GRIN2A: variants seen among roughly 807,000 people sequenced by gnomAD.
GRIN2A encodes glutamate ionotropic receptor NMDA type subunit 2A.
A neutral mutation model predicts 113.4 loss-of-function variants in GRIN2A; 22 were observed. That is an observed-to-expected ratio of 0.19 (90% CI 0.14 to 0.28). The LOEUF is 0.28. Ranked by LOEUF, GRIN2A falls within the 10% of genes least tolerant of loss-of-function variation. The pLI is 1.00. For missense variants in GRIN2A, 1,502 were observed against 1,887.0 expected (o/e 0.80, Z 3.78); for synonymous variants, 827 against 738.4 (o/e 1.12, Z -1.94).
At chr16:9,856,670 C>T (rs956154443) in intron 4 of GRIN2A, among the ~76,000 whole-genome samples, 3 of 150,580 alleles carry the variant, frequency 2.0e-5, no homozygotes, top group Non-Finnish European at 4.4e-5. Flanking sequence ...AAAAATAAGT[C>T]TTTCCGTTTC....
chr16:10,125,127 G>A (rs919867938), intron 2 of GRIN2A, among the ~76,000 whole-genome samples: 2 of 152,180 alleles, frequency 1.3e-5, no homozygotes, highest in South Asian at 2.1e-4. Flanking sequence ...CCATGAAAGG[G>A]TTTTAAATCT....
intron 2 of GRIN2A, among the ~76,000 whole-genome samples, chr16:9,947,472 T>C (rs1197310819): frequency 6.6e-6 from 1 of 152,268 alleles, no homozygotes; most frequent in Non-Finnish European, 1.5e-5. Flanking sequence ...GAAGCAGCTT[T>C]ATTTCTGCAA....
At chr16:9,862,370 A>T (rs779100529) in intron 4 of GRIN2A, among the ~76,000 whole-genome samples, 19 of 152,176 alleles carry the variant, frequency 1.2e-4, no homozygotes, top group Non-Finnish European at 2.6e-4. Context: ...TAGTATCTTT[A>T]TGGATAACAG....
At chr16:9,869,356 C>T (rs1399630632) in intron 4 of GRIN2A, among the ~76,000 whole-genome samples, 1 of 152,100 alleles carries the variant, frequency 6.6e-6, no homozygotes, top group Admixed American at 6.5e-5. Flanking sequence ...TCACTTTAAC[C>T]CGAGAGGAAG....
chr16:9,970,758 G>C (rs755078359), intron 2 of GRIN2A: 15 of 968,626 alleles, frequency 1.5e-5, no homozygotes, highest in Non-Finnish European at 1.7e-5. Context: ...GAAAATTACA[G>C]GCTGGTAAAC....
Position 9,755,667 on chromosome 16 carries a change from G to A in GRIN2A, c.*7482C>T, listed in dbSNP as rs1900321179. ...AAATGTGGCTTAGACCATGGAGAGG[G>A]GGGAATGCAGGAAAGGCAGTGTGTG... On this transcript the variant is annotated 3_prime_UTR_variant, in exon 13 of 13. Coordinates refer to ENST00000330684, the MANE Select transcript of GRIN2A (RefSeq NM_001134407.3). 1 of 199,698 alleles carries A rather than the reference G, an allele frequency of 5.0e-6. No homozygotes were observed. Among genetic ancestry groups the A allele is most frequent in the African/African-American group, 2.3e-5 (1 of 43,390 alleles). 12.4% of individuals were successfully genotyped at this position (199,698 alleles called of 1,614,324 possible).
Position 9,897,127 on chromosome 16 carries a change from T to C in GRIN2A, c.1008-6027A>G, listed in dbSNP as rs566873523. Reference sequence around the variant, plus strand: ...TGATTTGCCAAGACGACTTCTGTGTTGTCATCCACTGGTGGTAAAGTGCTA... The same window carrying C: ...TGATTTGCCAAGACGACTTCTGTGTCGTCATCCACTGGTGGTAAAGTGCTA... On this transcript the variant is annotated intron_variant, in intron 3 of 12. Transcript: ENST00000330684. 3.3e-5 allele frequency among the ~76,000 whole-genome samples: 5 copies of C among 151,888 alleles called. No homozygotes were observed. The South Asian group carries it at 1.0e-3, about 32-fold the overall frequency.
At chr16:10,051,953 G>C (rs1162237279) in intron 2 of GRIN2A, among the ~76,000 whole-genome samples, 1 of 152,192 alleles carries the variant, frequency 6.6e-6, no homozygotes, top group Non-Finnish European at 1.5e-5. Flanking sequence ...TCATTTGTCA[G>C]ATCACTGTCA....
At chr16:10,002,476 G>A (rs1001135129) in intron 2 of GRIN2A, among the ~76,000 whole-genome samples, 5 of 152,306 alleles carry the variant, frequency 3.3e-5, no homozygotes, top group South Asian at 2.1e-4. Flanking sequence ...CTGAATGACC[G>A]GTTTCACGGA....
At chr16:10,037,819 A>G (rs953313387) in intron 2 of GRIN2A, among the ~76,000 whole-genome samples, 8 of 151,880 alleles carry the variant, frequency 5.3e-5, no homozygotes, top group South Asian at 2.1e-4. Context: ...GGGTCTTGCT[A>G]TGTTGCCCAG....
chr16:10,021,425 G>C (rs898016561), intron 2 of GRIN2A, among the ~76,000 whole-genome samples: 2 of 152,202 alleles, frequency 1.3e-5, no homozygotes, highest in Non-Finnish European at 2.9e-5. Flanking sequence ...CAGCTGGTAA[G>C]TGTTGGAGCC....
intron 3 of GRIN2A, among the ~76,000 whole-genome samples, chr16:9,934,678 T>TTAAAAAAAA: frequency 2.0e-5 from 1 of 50,940 alleles, no homozygotes; most frequent in Non-Finnish European, 3.4e-5. Context: ...AGACTCTGTC[T>TTAAAAAAAA]AAAAAAAAAA....
intron 9 of GRIN2A, among the ~76,000 whole-genome samples, chr16:9,822,970 C>T (rs1003651402): frequency 4.6e-5 from 7 of 152,202 alleles, no homozygotes; most frequent in African/African-American, 1.4e-4. Context: ...CATTCATTCA[C>T]TCCTGCAGGC....
At chr16:10,002,936 CT>C (rs2046345732) in intron 2 of GRIN2A, among the ~76,000 whole-genome samples, 1 of 152,302 alleles carries the variant, frequency 6.6e-6, no homozygotes, top group African/African-American at 2.4e-5. Flanking sequence ...ACCATAAGGC[CT>C]TTTATTCTTG....
At chr16:9,910,366 C>A (rs570245594) in intron 3 of GRIN2A, among the ~76,000 whole-genome samples, 206 of 151,934 alleles carry the variant, frequency 1.4e-3, no homozygotes, top group African/African-American at 4.8e-3. Flanking sequence ...TTTTTGTTTT[C>A]TGTATTTTTC....
At chr16:10,012,091 T>C (rs911493829) in intron 2 of GRIN2A, among the ~76,000 whole-genome samples, 1 of 152,232 alleles carries the variant, frequency 6.6e-6, no homozygotes, top group African/African-American at 2.4e-5. Flanking sequence ...CTACAGCACA[T>C]TCAAGGTCAT....
chr16:9,933,547 C>A (rs2044646472), intron 3 of GRIN2A, among the ~76,000 whole-genome samples: 1 of 152,184 alleles, frequency 6.6e-6, no homozygotes, highest in African/African-American at 2.4e-5. Flanking sequence ...ATAGTGAGAG[C>A]TATTTGTTTA....
chr16:9,875,255 G>T (rs1290628596), intron 4 of GRIN2A, among the ~76,000 whole-genome samples: 1 of 152,018 alleles, frequency 6.6e-6, no homozygotes, highest in Non-Finnish European at 1.5e-5. Context: ...TAACATATGG[G>T]TAATTATCTC....
At chr16:10,009,702 C>T (rs2046468923) in intron 2 of GRIN2A, among the ~76,000 whole-genome samples, 1 of 152,032 alleles carries the variant, frequency 6.6e-6, no homozygotes, top group Admixed American at 6.6e-5. Context: ...ACTAAGCCTT[C>T]CCTTTATCAC....
Sources: allele counts gnomAD v4.1 joint callset (sites outside exome capture counted in the v4.1 genomes callset), GRCh38; gene constraint gnomAD v4.1.1; transcripts MANE v1.5; gene names NCBI Gene and HGNC (gene_info 2026-07-23, HGNC 2026-07-21).